The following APBB1IP variants were observed in gnomAD, a reference collection of about 807,000 sequenced individuals.
The protein encoded by APBB1IP is amyloid beta precursor protein binding family B member 1 interacting protein.
APBB1IP carries 27 observed loss-of-function variants against 64.9 expected under a neutral mutation model. The observed-to-expected ratio is 0.42, with a 90% CI of 0.31 to 0.57. APBB1IP has a LOEUF of 0.57. Among genes scored for constraint, APBB1IP ranks in the 20% least tolerant of loss-of-function variants. The pLI is 0.20. For missense variants in APBB1IP, 812 were observed against 845.5 expected (o/e 0.96, Z 0.49); for synonymous variants, 392 against 331.0 (o/e 1.18, Z -2.00).
intron 10 of APBB1IP, among the ~76,000 whole-genome samples, chr10:26,539,116 G>A (rs1429078183): frequency 6.6e-6 from 1 of 152,194 alleles, no homozygotes; most frequent in Non-Finnish European, 1.5e-5. Context: ...AATCCTAGAA[G>A]AAAACAGAGG....
chr10:26,543,747 G>A (rs1478869136), intron 11 of APBB1IP, among the ~76,000 whole-genome samples: 1 of 152,114 alleles, frequency 6.6e-6, no homozygotes, highest in Non-Finnish European at 1.5e-5. Flanking sequence ...TCCTTTGGAT[G>A]GGGTGTTCAC....
At chr10:26,502,838 C>T (rs928709452) in intron 5 of APBB1IP, among the ~76,000 whole-genome samples, 2 of 152,108 alleles carry the variant, frequency 1.3e-5, no homozygotes, top group African/African-American at 4.8e-5. Context: ...GTGAGCCAAG[C>T]GGATTTTTCT....
At chr10:26,441,461 C>G (rs907590635) in intron 2 of APBB1IP, among the ~76,000 whole-genome samples, 9 of 152,076 alleles carry the variant, frequency 5.9e-5, no homozygotes, top group Admixed American at 5.9e-4. Flanking sequence ...AAGGGCAGAC[C>G]CTGAGGACAG....
chr10:26,489,345 G>A (rs1250286336), intron 2 of APBB1IP, among the ~76,000 whole-genome samples: 1 of 152,178 alleles, frequency 6.6e-6, no homozygotes, highest in Non-Finnish European at 1.5e-5. Context: ...GGGTGATAAG[G>A]TTATGTAGGA....
intron 11 of APBB1IP, among the ~76,000 whole-genome samples, chr10:26,544,851 G>A (rs1836740454): frequency 6.6e-6 from 1 of 152,216 alleles, no homozygotes. Context: ...TATTGAACCA[G>A]AATTTCTAAA....
intron 2 of APBB1IP, among the ~76,000 whole-genome samples, chr10:26,482,364 T>C (rs1835845341): frequency 6.6e-6 from 1 of 152,220 alleles, no homozygotes; most frequent in Non-Finnish European, 1.5e-5. Flanking sequence ...TGCAAGAACC[T>C]TTAACCATAT....
intron 2 of APBB1IP, among the ~76,000 whole-genome samples, chr10:26,442,624 T>C (rs1306068347): frequency 6.6e-6 from 1 of 152,224 alleles, no homozygotes; most frequent in Non-Finnish European, 1.5e-5. Flanking sequence ...GAATCATGAC[T>C]AGATTCATTT....
intron 2 of APBB1IP, among the ~76,000 whole-genome samples, chr10:26,462,336 A>G (rs915836225): frequency 1.3e-5 from 2 of 152,206 alleles, no homozygotes; most frequent in Non-Finnish European, 2.9e-5. Flanking sequence ...ACATTGGAAC[A>G]TTTTTGGTGT....
chr10:26,523,186 A>G (rs1836426285), intron 8 of APBB1IP, among the ~76,000 whole-genome samples: 1 of 152,196 alleles, frequency 6.6e-6, no homozygotes, highest in Admixed American at 6.5e-5. Flanking sequence ...AGTACTTTCT[A>G]TATTGAGAAA....
intron 3 of APBB1IP, among the ~76,000 whole-genome samples, chr10:26,494,005 T>C (rs545313411): frequency 6.6e-6 from 1 of 151,336 alleles, no homozygotes; most frequent in Non-Finnish European, 1.5e-5. Context: ...CCCAGCTAAT[T>C]TTTTTTTTCT....
chr10:26,514,052 C>T (rs1277545442), intron 8 of APBB1IP, among the ~76,000 whole-genome samples: 1 of 152,082 alleles, frequency 6.6e-6, no homozygotes, highest in Middle Eastern at 3.2e-3. Flanking sequence ...TTTTTAATGT[C>T]ACCTGTATAC....
At chr10:26,472,397 A>G (rs1170421261) in intron 2 of APBB1IP, among the ~76,000 whole-genome samples, 5 of 152,202 alleles carry the variant, frequency 3.3e-5, no homozygotes, top group Admixed American at 2.6e-4. Context: ...GTATGGACCC[A>G]CCTTCTCCTC....
chr10:26,563,397 A>G (rs776839551), intron 14 of APBB1IP, among the ~76,000 whole-genome samples: 6 of 152,200 alleles, frequency 3.9e-5, no homozygotes, highest in Non-Finnish European at 7.3e-5. Flanking sequence ...AAAAATGTGT[A>G]TTTTCTATTT....
At chr10:26,476,801 T>C (rs2132419410) in intron 2 of APBB1IP, among the ~76,000 whole-genome samples, 1 of 152,326 alleles carries the variant, frequency 6.6e-6, no homozygotes, top group East Asian at 1.9e-4. Context: ...TTTTTATTTT[T>C]ATTTATTTAT....
intron 2 of APBB1IP, among the ~76,000 whole-genome samples, chr10:26,472,095 G>A (rs908624237): frequency 6.6e-6 from 1 of 152,114 alleles, no homozygotes; most frequent in Non-Finnish European, 1.5e-5. Context: ...AGATGGGTGG[G>A]GGCTGCGGGG....
Position 26,438,792 on chromosome 10 carries a change from G to A in APBB1IP, c.-62G>A. 1 of 152,720 alleles carries A rather than the reference G, an allele frequency of 6.5e-6. No individual in the cohort carries two copies. Among genetic ancestry groups the A allele is most frequent in the Non-Finnish European group, 1.5e-5 (1 of 68,376 alleles). The allele number at this position is 152,720 out of a possible 1,614,324, so 9.5% of individuals were successfully genotyped here. A position where few individuals can be genotyped will look rare whatever the true frequency, so the allele number is the denominator to read the frequency against. ...GGTGCGGCAGTCTGCACCGCGCGTC[G>A]CTTTCCCGGCCGGAGTCTCGCCGCC... On this transcript the variant is annotated 5_prime_UTR_variant, in exon 2 of 15. Transcript: ENST00000376236.
At chr10:26,474,905 G>A (rs1372020443) in intron 2 of APBB1IP, among the ~76,000 whole-genome samples, 1 of 152,188 alleles carries the variant, frequency 6.6e-6, no homozygotes, top group Non-Finnish European at 1.5e-5. Flanking sequence ...AGGTCTCAAG[G>A]CCATGGCCAG....
intron 6 of APBB1IP, among the ~76,000 whole-genome samples, chr10:26,511,096 T>G (rs1836253283): frequency 1.3e-5 from 2 of 152,174 alleles, no homozygotes; most frequent in Non-Finnish European, 1.5e-5. Context: ...ATCCCCGCAC[T>G]TTGAGAGGCC....
rs753309303 is a variant in APBB1IP, at chr10:26,566,996, G to A, written c.1509G>A (p.Pro503=). Residue 503 remains proline, a synonymous_variant, in exon 15 of 15, where the codon CCG becomes CCA. Coordinates refer to ENST00000376236, the MANE Select transcript of APBB1IP (RefSeq NM_019043.4). ...KKPALGNHHD[P]AVPRAPHAPK... is the part of the protein sequence containing the mutation. ...CAGCCCTCGGGAACCACCACGACCCGGCAGTGCCCCGGGCCCCGCACGCCC... is the reference window on the plus strand; with the variant it reads ...CAGCCCTCGGGAACCACCACGACCCAGCAGTGCCCCGGGCCCCGCACGCCC... 2 of 1,579,434 alleles carry A rather than the reference G, an allele frequency of 1.3e-6. No homozygotes were observed. The highest frequency in any genetic ancestry group is 1.1e-5 in the South Asian group (1 of 90,320).
Sources: gnomAD v4.1 joint callset for allele counts (sites outside exome capture counted in the v4.1 genomes callset) on GRCh38, gnomAD v4.1.1 for gene constraint, MANE v1.5 for transcripts, NCBI Gene and HGNC (gene_info 2026-07-23, HGNC 2026-07-21) for gene names.